ADAM10: variants seen among roughly 807,000 people sequenced by gnomAD.
ADAM10 encodes the protein disintegrin and metalloproteinase domain-containing protein 10.
ADAM10 carries 17 observed loss-of-function variants against 90.1 expected under a neutral mutation model. The observed-to-expected ratio is 0.19, with a 90% CI of 0.13 to 0.28. The LOEUF (loss-of-function observed/expected upper bound fraction) is 0.28. Ranked by LOEUF, ADAM10 falls within the 10% of genes least tolerant of loss-of-function variation. The probability of loss-of-function intolerance (pLI) is 1.00; values close to 1 mark genes in which losing one functional copy is unlikely to be tolerated. For missense variants in ADAM10, 610 were observed against 914.3 expected (o/e 0.67, Z 4.29); for synonymous variants, 310 against 298.6 (o/e 1.04, Z -0.40).
chr15:58,741,394 A>G (rs768668899), intron 1 of ADAM10, among the ~76,000 whole-genome samples: 2 of 152,202 alleles, frequency 1.3e-5, no homozygotes. Flanking sequence ...CTAAACTTCT[A>G]TAATCCAGCT....
chr15:58,708,203 A>T (rs528804150), intron 2 of ADAM10, among the ~76,000 whole-genome samples: 1 of 152,350 alleles, frequency 6.6e-6, no homozygotes, highest in African/African-American at 2.4e-5. Context: ...TAAATTTACT[A>T]ATTTAACAAA....
intron 4 of ADAM10, among the ~76,000 whole-genome samples, chr15:58,668,751 T>A (rs1322085833): frequency 6.6e-6 from 1 of 152,084 alleles, no homozygotes; most frequent in East Asian, 1.9e-4. Context: ...TCAGGGGAAA[T>A]TTTAAAATTC....
At chr15:58,687,384 T>C (rs1305216547) in intron 2 of ADAM10, among the ~76,000 whole-genome samples, 1 of 152,232 alleles carries the variant, frequency 6.6e-6, no homozygotes, top group African/African-American at 2.4e-5. Context: ...GTTTAAAATG[T>C]GACCCACAGA....
At chr15:58,680,796 G>A (rs11854073) in intron 3 of ADAM10, among the ~76,000 whole-genome samples, 73,901 of 151,928 alleles carry the variant, frequency 0.49, 20,759 homozygotes, top group East Asian at 0.81. Flanking sequence ...AGCCCAAGAC[G>A]CTGATATTTG....
In ADAM10 at chr15:58,610,956, G is replaced by A. The variant is rs143986345; in HGVS notation, c.1804+43C>T. The stretch of plus-strand genomic sequence containing the variant: ...ACTTAAAATTTAGGAGAAAATAATA[G>A]TTTGAGGCAAATTTTATACTCTTGT... On this transcript the variant is annotated intron_variant, in intron 13 of 15. Transcript: ENST00000260408. 6 of 1,479,460 alleles carry A rather than the reference G, an allele frequency of 4.1e-6. No individual in the cohort carries two copies. The East Asian group carries it at 1.1e-4, about 28-fold the overall frequency. The allele number at this position is 1,479,460 out of a possible 1,614,324, so 91.6% of individuals were successfully genotyped here.
chr15:58,651,231 C>T (rs1288447389), intron 5 of ADAM10, among the ~76,000 whole-genome samples: 5 of 152,134 alleles, frequency 3.3e-5, no homozygotes, highest in African/African-American at 1.2e-4. Context: ...TCCCCTCAAG[C>T]ATTTATCCTT....
intron 11 of ADAM10, among the ~76,000 whole-genome samples, chr15:58,615,230 C>T (rs1895571875): frequency 7.1e-6 from 1 of 140,358 alleles, no homozygotes; most frequent in Non-Finnish European, 1.5e-5. Context: ...GCCAAGATTG[C>T]ACCACTGCAC....
intron 2 of ADAM10, among the ~76,000 whole-genome samples, chr15:58,694,376 A>C (rs543632931): frequency 1.3e-5 from 2 of 152,020 alleles, no homozygotes; most frequent in African/African-American, 4.8e-5. Flanking sequence ...GCTTGAACCC[A>C]GGAGGAGGAG....
chr15:58,604,905 C>CATTT (rs1490337443), intron 14 of ADAM10, among the ~76,000 whole-genome samples: 1 of 152,138 alleles, frequency 6.6e-6, no homozygotes, highest in Non-Finnish European at 1.5e-5. Context: ...CCTGCGAATT[C>CATTT]ATTTATTTAT....
chr15:58,634,408 T>C (rs543271027), intron 8 of ADAM10, among the ~76,000 whole-genome samples: 15 of 152,302 alleles, frequency 9.8e-5, no homozygotes, highest in South Asian at 2.1e-4. Context: ...TGTTCCAGTA[T>C]GTCTTTAGGA....
At position 58,597,621 on chromosome 15, in the gene ADAM10, G is replaced by A. The variant is rs1311034004; in HGVS notation, c.2173C>T (p.Pro725Ser). ...TGGGGTTGCTGAATGGGCTGTGGAGGTCTCCTCCTCTTTAAAGTGCCTGTG... is the reference window on the plus strand; with the variant it reads ...TGGGGTTGCTGAATGGGCTGTGGAGATCTCCTCCTCTTTAAAGTGCCTGTG... ...PLPGTLKRRR[P>S]PQPIQQPQRQ... is the part of the protein sequence containing the mutation. The change falls in exon 16 of 16, where the codon CCT (proline) becomes TCT (serine). Residue 725 changes from proline (P) to serine (S), a missense_variant. Physicochemically the swap from Pro to Ser is moderately conservative, Grantham distance 74. Around this residue, in one of 4 missense-constraint regions of ADAM10, gnomAD observed 150 missense variants for 268.5 expected, o/e 0.56. Coordinates refer to ENST00000260408, the MANE Select transcript of ADAM10 (RefSeq NM_001110.4). 6.2e-7 allele frequency: 1 copy of A among 1,613,978 alleles called. No individual in the cohort carries two copies. The highest frequency in any genetic ancestry group is 8.5e-7 in the Non-Finnish European group (1 of 1,180,002).
At chr15:58,631,032 C>T (rs1896086057) in intron 9 of ADAM10, among the ~76,000 whole-genome samples, 1 of 152,000 alleles carries the variant, frequency 6.6e-6, no homozygotes, top group Non-Finnish European at 1.5e-5. Flanking sequence ...TGTTAAGAGC[C>T]TAGTACCTCC....
intron 14 of ADAM10, among the ~76,000 whole-genome samples, chr15:58,606,650 TTC>T (rs1485421650): frequency 6.6e-6 from 1 of 152,196 alleles, no homozygotes; most frequent in African/African-American, 2.4e-5. Flanking sequence ...AATGGAAAAT[TTC>T]TGTTACAAGT....
intron 4 of ADAM10, 71 bp from the exon 5 acceptor site, chr15:58,665,268 A>G: frequency 4.9e-6 from 6 of 1,231,164 alleles, no homozygotes; most frequent in Non-Finnish European, 7.2e-6. Context: ...GAGAATTACA[A>G]GTAAAAATTT....
chr15:58,623,440 G>A (rs1895847258), intron 10 of ADAM10, among the ~76,000 whole-genome samples: 2 of 152,198 alleles, frequency 1.3e-5, no homozygotes, highest in South Asian at 2.1e-4. Context: ...TAACCACATC[G>A]ACTATTTTTT....
intron 11 of ADAM10, among the ~76,000 whole-genome samples, chr15:58,619,586 T>C (rs1248498841): frequency 3.3e-5 from 5 of 152,148 alleles, no homozygotes; most frequent in African/African-American, 9.7e-5. Flanking sequence ...CTCATAAATA[T>C]GTACAATCAT....
intron 1 of ADAM10, among the ~76,000 whole-genome samples, chr15:58,741,964 T>C (rs1899630380): frequency 6.6e-6 from 1 of 152,206 alleles, no homozygotes; most frequent in Non-Finnish European, 1.5e-5. Flanking sequence ...ATCTTATGTG[T>C]CATTCTCTTC....
intron 1 of ADAM10, among the ~76,000 whole-genome samples, chr15:58,718,860 C>G (rs1245428067): frequency 6.6e-6 from 1 of 152,158 alleles, no homozygotes; most frequent in African/African-American, 2.4e-5. Context: ...TCTCCCCTGA[C>G]CCTCAGCTTC....
chr15:58,684,408 G>A (rs1191660555), intron 2 of ADAM10, among the ~76,000 whole-genome samples: 1 of 152,148 alleles, frequency 6.6e-6, no homozygotes, highest in African/African-American at 2.4e-5. Flanking sequence ...AATAGAGCTG[G>A]TCACCAGAAA....
Sources: allele counts gnomAD v4.1 joint callset (sites outside exome capture counted in the v4.1 genomes callset), GRCh38; gene constraint gnomAD v4.1.1; regional missense constraint gnomAD v4.1.1; transcripts MANE v1.5; gene names NCBI Gene and HGNC (gene_info 2026-07-23, HGNC 2026-07-21).